PTPRM: variants seen among roughly 807,000 people sequenced by gnomAD.
PTPRM encodes the protein receptor-type tyrosine-protein phosphatase mu.
PTPRM carries 47 observed loss-of-function variants against 186.7 expected under a neutral mutation model. The observed-to-expected ratio is 0.25, with a 90% CI of 0.20 to 0.32. The LOEUF (loss-of-function observed/expected upper bound fraction) is 0.32, where lower values mean the gene tolerates loss of function less well. Ranked by LOEUF, PTPRM falls within the 10% of genes least tolerant of loss-of-function variation. PTPRM has a pLI of 1.00. For synonymous variants in PTPRM, 668 were observed against 674.9 expected, an observed-to-expected ratio of 0.99 and a Z score of 0.16; for missense variants, 1,494 against 1,865.0, an observed-to-expected ratio of 0.80 and a Z score of 3.66.
chr18:8,201,228 ATTGCT>A lies in PTPRM; in HGVS notation c.2301-42828_2301-42824del, dbSNP rs2093851183. 2.6e-5 allele frequency among the ~76,000 whole-genome samples: 4 copies of A among 152,348 alleles called. No individual in the cohort carries two copies. In the South Asian group the frequency reaches 8.3e-4, roughly 32 times the overall value. On this transcript the variant is annotated intron_variant, in intron 14 of 32. Transcript: ENST00000580170. The stretch of plus-strand genomic sequence containing the variant: ...CTACTCGGGAAGCTGAGGCAGGAGA[ATTGCT>A]TAAACCTGGGAGGCGGAGGTTGCAG...
chr18:8,118,409 C>G (rs937679134), intron 13 of PTPRM, among the ~76,000 whole-genome samples: 1 of 152,152 alleles, frequency 6.6e-6, no homozygotes, highest in Non-Finnish European at 1.5e-5. Flanking sequence ...TGACTATTGT[C>G]TAGCTCAAGC....
chr18:7,574,580 A>G (rs574559420), intron 1 of PTPRM, among the ~76,000 whole-genome samples: 1 of 152,352 alleles, frequency 6.6e-6, no homozygotes, highest in East Asian at 1.9e-4. Flanking sequence ...TTGAGAAGTT[A>G]TTCATTTATT....
chr18:7,749,416 C>A (rs1384785934), intron 1 of PTPRM: 1 of 151,972 alleles, frequency 6.6e-6, no homozygotes, highest in Non-Finnish European at 1.5e-5. Flanking sequence ...TCATTAATTG[C>A]CTTTCTCCCT....
chr18:8,293,850 A>G (rs1437887190), intron 19 of PTPRM, among the ~76,000 whole-genome samples: 1 of 152,184 alleles, frequency 6.6e-6, no homozygotes, highest in East Asian at 1.9e-4. Flanking sequence ...TAATGATAGT[A>G]TTTGTATTGA....
At chr18:8,152,966 T>C (rs1206488173) in intron 14 of PTPRM, among the ~76,000 whole-genome samples, 1 of 152,118 alleles carries the variant, frequency 6.6e-6, no homozygotes, top group East Asian at 1.9e-4. Context: ...TCCCCCTGCC[T>C]CAGCCTCCCA....
At chr18:8,361,786 C>T (rs748896937) in intron 23 of PTPRM, among the ~76,000 whole-genome samples, 3 of 152,216 alleles carry the variant, frequency 2.0e-5, no homozygotes, top group African/African-American at 7.2e-5. Context: ...CTAGGATTAG[C>T]CCCAAGCCCT....
intron 1 of PTPRM, among the ~76,000 whole-genome samples, chr18:7,659,058 A>T (rs1429037887): frequency 6.6e-6 from 1 of 151,652 alleles, no homozygotes; most frequent in African/African-American, 2.4e-5. Context: ...CCTGGTTGCT[A>T]ATGAGTTCTT....
intron 2 of PTPRM, among the ~76,000 whole-genome samples, chr18:7,871,330 A>G (rs1428535320): frequency 6.6e-6 from 1 of 152,238 alleles, no homozygotes; most frequent in Non-Finnish European, 1.5e-5. Context: ...TTTCTCAGTG[A>G]CAGTCCAGTT....
chr18:8,121,920 C>T (rs2092189014), intron 13 of PTPRM: 1 of 152,146 alleles, frequency 6.6e-6, no homozygotes, highest in Non-Finnish European at 1.5e-5. Context: ...CAGTCTTCAC[C>T]TTTATTTAGG....
rs192270099 is a variant in PTPRM, at chr18:8,004,606, A to C, written c.1132+49192A>C. Among the ~76,000 whole-genome samples the C allele has an allele frequency of 2.0e-5, 3 of 152,240 alleles. No individual in the cohort carries two copies. The East Asian group carries it at 5.8e-4, about 30-fold the overall frequency. ...CTCTGGCATGAGGGATGAAAGACAT[A>C]ATGAGGGAAAGCCGATGGCATCAGG... is the stretch of plus-strand genomic sequence containing the variant. On this transcript the variant is annotated intron_variant, in intron 7 of 32. Transcript: ENST00000580170.
chr18:8,014,970 T>C (rs1295123982), intron 7 of PTPRM, among the ~76,000 whole-genome samples: 1 of 152,126 alleles, frequency 6.6e-6, no homozygotes, highest in Non-Finnish European at 1.5e-5. Context: ...CCCCTCACTG[T>C]TCATGTTTGG....
chr18:7,763,195 T>A lies in PTPRM; in HGVS notation c.74-10954T>A, dbSNP rs60141960. ...AGGATTAGATTGGTGATTTGGATTTTGGACACACTTTAATTAAAATGCTGA... is the reference window on the plus strand; with the variant it reads ...AGGATTAGATTGGTGATTTGGATTTAGGACACACTTTAATTAAAATGCTGA... On this transcript the variant is annotated intron_variant, in intron 1 of 32. Coordinates refer to ENST00000580170, the MANE Select transcript of PTPRM (RefSeq NM_001105244.2). Among the ~76,000 whole-genome samples the A allele has an allele frequency of 4.7e-4, 72 of 152,352 alleles. 1 individual carries two copies. The East Asian group carries it at 0.013, about 28-fold the overall frequency.
At chr18:7,963,360 G>A (rs998535003) in intron 7 of PTPRM, among the ~76,000 whole-genome samples, 5 of 152,322 alleles carry the variant, frequency 3.3e-5, no homozygotes, top group Admixed American at 2.6e-4. Flanking sequence ...CAGCAGCAGA[G>A]GGGTATAGAA....
At chr18:8,171,631 G>A (rs370976790) in intron 14 of PTPRM, among the ~76,000 whole-genome samples, 9 of 152,126 alleles carry the variant, frequency 5.9e-5, no homozygotes, top group African/African-American at 1.9e-4. Context: ...GGTCTAGGAC[G>A]GAGATCCAGA....
At chr18:8,251,123 C>A (rs1343485259) in intron 17 of PTPRM, among the ~76,000 whole-genome samples, 3 of 152,114 alleles carry the variant, frequency 2.0e-5, no homozygotes, top group African/African-American at 4.8e-5. Flanking sequence ...TGATTACATA[C>A]AACAGTGACA....
chr18:8,033,389 C>A (rs540370955), intron 7 of PTPRM, among the ~76,000 whole-genome samples: 2 of 152,228 alleles, frequency 1.3e-5, no homozygotes, highest in South Asian at 4.1e-4. Context: ...TGTCACTCAA[C>A]AATAAGGATA....
intron 7 of PTPRM, among the ~76,000 whole-genome samples, chr18:7,961,712 A>G (rs2053692322): frequency 6.6e-6 from 1 of 152,226 alleles, no homozygotes; most frequent in South Asian, 2.1e-4. Flanking sequence ...TGCTGGGAAT[A>G]GGAGTGATGT....
intron 2 of PTPRM, among the ~76,000 whole-genome samples, chr18:7,794,781 T>TA (rs1352702379): frequency 6.6e-6 from 1 of 152,270 alleles, no homozygotes; most frequent in Non-Finnish European, 1.5e-5. Context: ...TAATACCACT[T>TA]AAAAATTAAA....
chr18:7,868,964 C>T (rs533535763), intron 2 of PTPRM, among the ~76,000 whole-genome samples: 1 of 152,296 alleles, frequency 6.6e-6, no homozygotes, highest in East Asian at 1.9e-4. Context: ...GGGCTTCACC[C>T]CGTTCGAACT....
Sources: allele counts gnomAD v4.1 joint callset (sites outside exome capture counted in the v4.1 genomes callset), GRCh38; gene constraint gnomAD v4.1.1; transcripts MANE v1.5; gene names NCBI Gene and HGNC (gene_info 2026-07-23, HGNC 2026-07-21).